The following NEDD4L variants were observed in gnomAD, a reference collection of about 807,000 sequenced individuals.
NEDD4L encodes E3 ubiquitin-protein ligase NEDD4-like.
NEDD4L carries 54 observed loss-of-function variants against 148.9 expected under a neutral mutation model. The observed-to-expected ratio is 0.36, with a 90% CI of 0.29 to 0.45. The LOEUF is 0.45. Ranked by LOEUF, NEDD4L falls within the 20% of genes least tolerant of loss-of-function variation. The pLI is 1.00. For synonymous variants in NEDD4L, 433 were observed against 440.7 expected (o/e 0.98, Z 0.22); for missense variants, 856 against 1,233.8 (o/e 0.69, Z 4.59).
At chr18:58,063,137 C>G (rs1444319518) in intron 1 of NEDD4L, among the ~76,000 whole-genome samples, 1 of 144,606 alleles carries the variant, frequency 6.9e-6, no homozygotes, top group Non-Finnish European at 1.5e-5. Context: ...CCTTGACCTC[C>G]GAAGTCCACA....
chr18:58,045,059 C>T (rs959513692), intron 1 of NEDD4L: 1 of 407,448 alleles, frequency 2.5e-6, no homozygotes, highest in Admixed American at 4.4e-5. Context: ...CTTTCCGCCT[C>T]TCGCCCCTGC....
In NEDD4L at chr18:58,340,854, A is replaced by T. The variant is rs990619512; in HGVS notation, c.1126-184A>T. ...TCTGCAACTGTATGGGGTTCATTTC[A>T]CAGTAGATTTGAAGCTGTTGGAAAT... On this transcript the variant is annotated intron_variant, in intron 13 of 30. Transcript: ENST00000400345. 1.1e-5 allele frequency: 7 copies of T among 609,660 alleles called. No individual in the cohort carries two copies. The Admixed American group carries it at 2.0e-4, about 18-fold the overall frequency. The allele number at this position is 609,660 out of a possible 1,614,324, so 37.8% of individuals were successfully genotyped here. A position where few individuals can be genotyped will look rare whatever the true frequency, so the allele number is the denominator to read the frequency against.
intron 2 of NEDD4L, among the ~76,000 whole-genome samples, chr18:58,178,227 G>A (rs999849325): frequency 1.3e-5 from 2 of 152,238 alleles, no homozygotes; most frequent in East Asian, 1.9e-4. Context: ...GCTGCTGGTC[G>A]GTCAATGACA....
At chr18:58,352,681 T>C (rs1476284476) in intron 18 of NEDD4L, among the ~76,000 whole-genome samples, 1 of 152,158 alleles carries the variant, frequency 6.6e-6, no homozygotes, top group East Asian at 1.9e-4. Context: ...AAGTTTCCTT[T>C]ATAGTATTTT....
intron 1 of NEDD4L, among the ~76,000 whole-genome samples, chr18:58,050,028 A>G (rs1031399487): frequency 3.3e-5 from 5 of 151,702 alleles, no homozygotes; most frequent in African/African-American, 9.7e-5. Flanking sequence ...ATTTTCTTCA[A>G]TGATGTAGTG....
intron 1 of NEDD4L, among the ~76,000 whole-genome samples, chr18:58,144,330 G>A (rs2033879649): frequency 6.6e-6 from 1 of 152,086 alleles, no homozygotes. Context: ...TGAAGGGGGA[G>A]CAGGCATCTC....
intron 24 of NEDD4L, among the ~76,000 whole-genome samples, chr18:58,382,138 C>T (rs1425546071): frequency 6.6e-6 from 1 of 152,148 alleles, no homozygotes; most frequent in Non-Finnish European, 1.5e-5. Flanking sequence ...ATGTGTTTTA[C>T]GTTGAAAAGC....
chr18:58,289,678 G>A (rs1358940464), intron 5 of NEDD4L, among the ~76,000 whole-genome samples: 1 of 152,164 alleles, frequency 6.6e-6, no homozygotes, highest in Non-Finnish European at 1.5e-5. Flanking sequence ...TTAGGGGAAG[G>A]AAGCCTCCAC....
chr18:58,160,884 A>G (rs887967207), intron 1 of NEDD4L, among the ~76,000 whole-genome samples: 9 of 152,218 alleles, frequency 5.9e-5, no homozygotes, highest in African/African-American at 1.9e-4. Context: ...GTAAACAGTA[A>G]TTGCTCAGTA....
chr18:58,141,556 C>A (rs891654393), intron 1 of NEDD4L, among the ~76,000 whole-genome samples: 1 of 152,138 alleles, frequency 6.6e-6, no homozygotes, highest in East Asian at 1.9e-4. Flanking sequence ...TACTCCTATT[C>A]TGAAAGCAGG....
intron 2 of NEDD4L, among the ~76,000 whole-genome samples, chr18:58,170,106 C>G (rs1221560274): frequency 1.3e-5 from 2 of 152,184 alleles, no homozygotes; most frequent in African/African-American, 2.4e-5. Flanking sequence ...CTCCCTCTCT[C>G]CTTCCCTCCC....
At chr18:58,089,890 A>G (rs1196829185) in intron 1 of NEDD4L, among the ~76,000 whole-genome samples, 3 of 143,706 alleles carry the variant, frequency 2.1e-5, no homozygotes, top group African/African-American at 7.8e-5. Flanking sequence ...CCCAGGCTGG[A>G]GTGCAGTGGC....
chr18:58,177,864 G>C (rs911266095), intron 2 of NEDD4L, among the ~76,000 whole-genome samples: 1 of 152,176 alleles, frequency 6.6e-6, no homozygotes, highest in Non-Finnish European at 1.5e-5. Flanking sequence ...GATTTTAAAG[G>C]TTATTTATAA....
At chr18:58,140,436 G>A (rs1040235655) in intron 1 of NEDD4L, among the ~76,000 whole-genome samples, 18 of 152,124 alleles carry the variant, frequency 1.2e-4, no homozygotes, top group Non-Finnish European at 7.4e-5. Context: ...ATGCCAGTCA[G>A]GTTGCTTCCT....
At chr18:58,196,723 T>C (rs1189725231) in intron 2 of NEDD4L, among the ~76,000 whole-genome samples, 5 of 149,016 alleles carry the variant, frequency 3.4e-5, no homozygotes, top group East Asian at 1.9e-4. Flanking sequence ...TTTTTTTTTT[T>C]TTTTTTTTTT....
Position 58,125,258 on chromosome 18 carries a change from A to C in NEDD4L, c.49-40530A>C, listed in dbSNP as rs1003492282. On this transcript the variant is annotated intron_variant, in intron 1 of 30. Transcript: ENST00000400345. Reference sequence around the variant, plus strand: ...CACAGAGAAGTTAAATAATTTGCTCACAGAAATTTCCTGTGTTGCAGCTGA... The same window carrying C: ...CACAGAGAAGTTAAATAATTTGCTCCCAGAAATTTCCTGTGTTGCAGCTGA... 2.0e-5 allele frequency among the ~76,000 whole-genome samples: 3 copies of C among 152,212 alleles called. 1 individual carries two copies. Among genetic ancestry groups the C allele is most frequent in the Admixed American group, 2.0e-4 (3 of 15,274 alleles).
At chr18:58,157,392 C>T (rs1477925257) in intron 1 of NEDD4L, among the ~76,000 whole-genome samples, 1 of 152,110 alleles carries the variant, frequency 6.6e-6, no homozygotes, top group East Asian at 1.9e-4. Context: ...TTCTTATCCC[C>T]AGAGTCAGCC....
At chr18:58,120,190 C>T (rs1183814519) in intron 1 of NEDD4L, among the ~76,000 whole-genome samples, 1 of 152,134 alleles carries the variant, frequency 6.6e-6, no homozygotes, top group Non-Finnish European at 1.5e-5. Flanking sequence ...GGCAGAAATC[C>T]CTGTCGAGGC....
intron 25 of NEDD4L, 146 bp from the exon 26 acceptor site, chr18:58,385,380 A>C: frequency 1.4e-6 from 1 of 726,474 alleles, no homozygotes; most frequent in Non-Finnish European, 2.5e-6. Flanking sequence ...AGAAGCCATG[A>C]ATAAACTAAA....
Sources: gnomAD v4.1 joint callset for allele counts (sites outside exome capture counted in the v4.1 genomes callset) on GRCh38, gnomAD v4.1.1 for gene constraint, MANE v1.5 for transcripts, NCBI Gene and HGNC (gene_info 2026-07-23, HGNC 2026-07-21) for gene names.